Variants in TNRC6B observed in about 807,000 individuals in gnomAD.
TNRC6B encodes trinucleotide repeat containing adaptor 6B.
In TNRC6B, 52 loss-of-function variants were observed where a neutral mutation model predicts 203.6. The ratio of observed to expected loss-of-function variants is 0.26; its 90% CI spans 0.20 to 0.32. The LOEUF is 0.32. Among genes scored for constraint, TNRC6B ranks in the 10% least tolerant of loss-of-function variants. TNRC6B has a pLI of 1.00. For synonymous variants in TNRC6B, 838 were observed against 845.7 expected (o/e 0.99, Z 0.16); for missense variants, 1,923 against 2,286.2 (o/e 0.84, Z 3.24).
intron 3 of TNRC6B, among the ~76,000 whole-genome samples, chr22:40,255,737 A>G (rs547224716): frequency 6.6e-6 from 1 of 152,008 alleles, no homozygotes; most frequent in African/African-American, 2.4e-5. Flanking sequence ...GGCCCGAACT[A>G]CACAAGGTCC....
Position 40,285,762 on chromosome 22 carries a change from T to C in TNRC6B, c.3700T>C (p.Ser1234Pro), listed in dbSNP as rs754658017. The C allele has an allele frequency of 6.2e-7, 1 of 1,613,270 alleles. No homozygotes were observed. Among genetic ancestry groups the C allele is most frequent in the Non-Finnish European group, 8.5e-7 (1 of 1,179,686 alleles). ...GGCGCAAGTGCCTCCCCAGTTTATT[T>C]CCCCCCAGGTAAGCAATTTTACGTT... ...LRAQVPPQFI[S>P]PQVSASMLKQ... Residue 1234 changes from serine (S) to proline (P), a missense_variant, in exon 12 of 23, where the codon TCC becomes CCC. Physicochemically the swap from Ser to Pro is moderately conservative, Grantham distance 74 (BLOSUM62 -1). Transcript: ENST00000454349.
rs946889747 is a variant in TNRC6B at position 40,164,135 on chromosome 22, A to T, written c.113+7953A>T. On this transcript the variant is annotated intron_variant, in intron 4 of 23. Coordinates refer to the TNRC6B transcript ENST00000301923. ...CAGCAGAAGAAAGGTACATTGAAGC[A>T]CTTTGGGAGGCCGAGGCAGGTGGAT... 4.6e-5 allele frequency among the ~76,000 whole-genome samples: 7 copies of T among 152,032 alleles called. No individual in the cohort carries two copies. In the East Asian group the frequency reaches 1.4e-3, roughly 29 times the overall value.
intron 3 of TNRC6B, among the ~76,000 whole-genome samples, chr22:40,259,718 A>G (rs2070345792): frequency 6.6e-6 from 1 of 152,176 alleles, no homozygotes; most frequent in Non-Finnish European, 1.5e-5. Context: ...AATGTCCAGT[A>G]GTGGCATAGA....
At chr22:40,150,153 A>C (rs983096553) in intron 3 of TNRC6B, among the ~76,000 whole-genome samples, 1 of 152,144 alleles carries the variant, frequency 6.6e-6, no homozygotes, top group Non-Finnish European at 1.5e-5. Flanking sequence ...CAAGGCGGGC[A>C]GATCACGAGG....
chr22:40,102,070 G>T (rs915230774), intron 1 of TNRC6B, among the ~76,000 whole-genome samples: 2 of 152,156 alleles, frequency 1.3e-5, no homozygotes, highest in African/African-American at 4.8e-5. Context: ...GTACATTTGT[G>T]TATATAAAAG....
rs376733226 is a variant in TNRC6B at position 40,259,495 on chromosome 22, T to C, written c.116-2337T>C. ...CCTCGGCCTCCCAAAGTGCTGGGAT[T>C]ACAGGCGTGAGCCATCGCGCCTGGC... On this transcript the variant is annotated intron_variant, in intron 3 of 22. Coordinates refer to ENST00000454349, the MANE Select transcript of TNRC6B (RefSeq NM_001162501.2). Among the ~76,000 whole-genome samples, 8 of 152,304 alleles carry C rather than the reference T, an allele frequency of 5.3e-5. No individual in the cohort carries two copies. The East Asian group carries it at 1.2e-3, about 22-fold the overall frequency.
chr22:40,204,468 T>G (rs1319321494), intron 1 of TNRC6B, among the ~76,000 whole-genome samples: 1 of 152,240 alleles, frequency 6.6e-6, no homozygotes, highest in Non-Finnish European at 1.5e-5. Flanking sequence ...ACAGTGTACA[T>G]TTTCCTGGCT....
At chr22:40,205,990 G>C (rs534971476) in intron 1 of TNRC6B, among the ~76,000 whole-genome samples, 1 of 152,148 alleles carries the variant, frequency 6.6e-6, no homozygotes. Flanking sequence ...GCTGGCTTCC[G>C]TTTCCAGAGC....
intron 3 of TNRC6B, chr22:40,253,498 C>A (rs932705975): frequency 1.8e-5 from 8 of 449,494 alleles, no homozygotes; most frequent in African/African-American, 1.6e-4. Context: ...TTTCTACTCA[C>A]CACCAAATTT....
intron 3 of TNRC6B, among the ~76,000 whole-genome samples, chr22:40,252,093 G>A (rs1275984788): frequency 6.6e-6 from 1 of 152,130 alleles, no homozygotes; most frequent in African/African-American, 2.4e-5. Flanking sequence ...ATGTAGTTTT[G>A]TCTGGTGATT....
At chr22:40,052,444 A>ATTTTTTTTT (rs908013463) in intron 1 of TNRC6B, among the ~76,000 whole-genome samples, 7 of 51,858 alleles carry the variant, frequency 1.3e-4, no homozygotes, top group East Asian at 5.3e-4. Flanking sequence ...TGTGTATTGT[A>ATTTTTTTTT]TTTTTTTTTT....
chr22:40,235,481 C>G (rs1407834421), intron 1 of TNRC6B, among the ~76,000 whole-genome samples: 4 of 152,190 alleles, frequency 2.6e-5, no homozygotes, highest in Admixed American at 2.0e-4. Flanking sequence ...TGTGTGTCCT[C>G]TGGTAAAGTC....
Position 40,178,043 on chromosome 22 carries a change from A to G in TNRC6B, c.-93A>G. On this transcript the variant is annotated 5_prime_UTR_variant, in exon 1 of 23. Coordinates refer to ENST00000454349, the MANE Select transcript of TNRC6B (RefSeq NM_001162501.2). ...GAATATTTAAAATACAAAAAAACAG[A>G]TAGACAAAAAGAATTCATTTTTTGG... 1.3e-6 allele frequency: 2 copies of G among 1,582,376 alleles called. No homozygotes were observed. Among genetic ancestry groups the G allele is most frequent in the Non-Finnish European group, 1.7e-6 (2 of 1,170,214 alleles).
intron 1 of TNRC6B, among the ~76,000 whole-genome samples, chr22:40,214,925 T>G (rs1052817746): frequency 7.2e-5 from 11 of 152,194 alleles, no homozygotes; most frequent in Admixed American, 3.3e-4. Context: ...ACAAAAAAAT[T>G]GAATAAAGCA....
intron 1 of TNRC6B, among the ~76,000 whole-genome samples, chr22:40,102,070 G>A (rs915230774): frequency 3.3e-5 from 5 of 152,156 alleles, no homozygotes; most frequent in African/African-American, 1.2e-4. Flanking sequence ...GTACATTTGT[G>A]TATATAAAAG....
intron 3 of TNRC6B, among the ~76,000 whole-genome samples, chr22:40,127,982 C>A (rs1007928945): frequency 5.3e-5 from 8 of 152,210 alleles, no homozygotes; most frequent in African/African-American, 1.9e-4. Flanking sequence ...GAATATATTA[C>A]TGTGCCATAA....
At chr22:40,199,251 A>G (rs2069378978) in intron 1 of TNRC6B, among the ~76,000 whole-genome samples, 2 of 152,154 alleles carry the variant, frequency 1.3e-5, no homozygotes, top group African/African-American at 4.8e-5. Context: ...TAAATTCAGC[A>G]TTTGAAGAAT....
chr22:40,103,861 T>G (rs547913612), intron 1 of TNRC6B, among the ~76,000 whole-genome samples: 1 of 151,722 alleles, frequency 6.6e-6, no homozygotes, highest in East Asian at 2.0e-4. Flanking sequence ...CAGGCTGGTC[T>G]CAAACTCCTG....
intron 12 of TNRC6B, among the ~76,000 whole-genome samples, chr22:40,294,186 G>A (rs751645459): frequency 6.6e-6 from 1 of 151,706 alleles, no homozygotes; most frequent in Non-Finnish European, 1.5e-5. Context: ...CCAAGAAGCC[G>A]AAACTGCAGT....
Sources: gnomAD v4.1 joint callset for allele counts (sites outside exome capture counted in the v4.1 genomes callset) on GRCh38, gnomAD v4.1.1 for gene constraint, MANE v1.5 for transcripts, NCBI Gene and HGNC (gene_info 2026-07-23, HGNC 2026-07-21) for gene names.